Variants in HIVEP2 observed in about 807,000 individuals in gnomAD.
The protein encoded by HIVEP2 is HIVEP zinc finger 2, also known as transcription factor HIVEP2.
HIVEP2 carries 14 observed loss-of-function variants against 180.7 expected under a neutral mutation model. The ratio of observed to expected loss-of-function variants is 0.08; its 90% CI spans 0.05 to 0.12. The LOEUF is 0.12. Ranked by LOEUF, HIVEP2 falls within the 10% of genes least tolerant of loss-of-function variation. HIVEP2 has a pLI of 1.00. For synonymous variants in HIVEP2, 1,184 were observed against 1,136.4 expected (o/e 1.04, Z -0.84); for missense variants, 2,579 against 3,008.5 (o/e 0.86, Z 3.34).
intron 1 of HIVEP2, among the ~76,000 whole-genome samples, chr6:142,894,009 G>A (rs982465851): frequency 2.0e-5 from 3 of 152,080 alleles, no homozygotes; most frequent in East Asian, 1.9e-4. Flanking sequence ...ACAAACATTC[G>A]CTCACTTAAT....
chr6:142,899,029 C>T (rs1016646852), intron 1 of HIVEP2, among the ~76,000 whole-genome samples: 5 of 152,246 alleles, frequency 3.3e-5, no homozygotes, highest in Admixed American at 1.3e-4. Flanking sequence ...AAATGCTAAT[C>T]GGAATATGTC....
Position 142,761,624 on chromosome 6 carries a change from G to C in HIVEP2, c.5519-59C>G, listed in dbSNP as rs891555553. The C allele has an allele frequency of 2.7e-5, 24 of 896,326 alleles. No homozygotes were observed. In the East Asian group the frequency reaches 5.0e-4, roughly 19 times the overall value. 55.5% of individuals were successfully genotyped at this position (896,326 alleles called of 1,614,324 possible). ...ATTGGTTATCAAATTAATAACTGCT[G>C]ATAGCTGCTCCAAATTCAATGTGAA... On this transcript the variant is annotated intron_variant, in intron 7 of 9. Coordinates refer to ENST00000367603, the MANE Select transcript of HIVEP2 (RefSeq NM_006734.4).
chr6:142,844,220 G>A (rs1775447967), intron 1 of HIVEP2, among the ~76,000 whole-genome samples: 1 of 151,764 alleles, frequency 6.6e-6, no homozygotes, highest in South Asian at 2.1e-4. Flanking sequence ...GTTGGGTATT[G>A]CACAATGGAT....
At position 142,813,528 on chromosome 6, in the gene HIVEP2, T is replaced by G. The variant is rs1314837611; in HGVS notation, c.-528+23407A>C. On this transcript the variant is annotated intron_variant, in intron 2 of 9. Transcript: ENST00000367603. ...TAAATCATTTAAATTCAATCATGTA[T>G]AAGATATAAGACATTATGTCTGGAT... Among the ~76,000 whole-genome samples, 8 of 152,006 alleles carry G rather than the reference T, an allele frequency of 5.3e-5. No homozygotes were observed. In the South Asian group the frequency reaches 1.2e-3, roughly 24 times the overall value.
chr6:142,785,045 G>A (rs564302933), intron 2 of HIVEP2, among the ~76,000 whole-genome samples: 24 of 151,542 alleles, frequency 1.6e-4, no homozygotes, highest in Non-Finnish European at 2.9e-4. Flanking sequence ...CCACCACCAC[G>A]CCCAGCTAAT....
chr6:142,765,402 A>C (rs1308023633), intron 6 of HIVEP2, among the ~76,000 whole-genome samples: 1 of 152,242 alleles, frequency 6.6e-6, no homozygotes, highest in Non-Finnish European at 1.5e-5. Flanking sequence ...GTACATGTAC[A>C]AACATACAAC....
rs1443599726 is a variant in HIVEP2, at chr6:142,775,075, C to T, written c.-337G>A. The stretch of plus-strand genomic sequence containing the variant: ...GATGAATAGTCTAGGAGAAATTTTG[C>T]CCATCAACTAGAGCAAAGTTCAATT... On this transcript the variant is annotated 5_prime_UTR_variant, in exon 5 of 10. Transcript: ENST00000367603. 1 of 1,039,770 alleles carries T rather than the reference C, an allele frequency of 9.6e-7. No homozygotes were observed. Among genetic ancestry groups the T allele is most frequent in the African/African-American group, 1.7e-5 (1 of 59,324 alleles). The allele number at this position is 1,039,770 out of a possible 1,614,324, so 64.4% of individuals were successfully genotyped here. A position where few individuals can be genotyped will look rare whatever the true frequency, so the allele number is the denominator to read the frequency against.
At chr6:142,793,945 G>A (rs1208467745) in intron 2 of HIVEP2, 1 of 152,038 alleles carries the variant, frequency 6.6e-6, no homozygotes, top group African/African-American at 2.4e-5. Context: ...GGGATTACAG[G>A]TGTGAGCCAC....
chr6:142,830,949 T>C (rs198663), intron 2 of HIVEP2, among the ~76,000 whole-genome samples: 83,306 of 151,936 alleles, frequency 0.55, 23,518 homozygotes, highest in African/African-American at 0.68. Flanking sequence ...CTGTCAATCC[T>C]TATCACTACC....
intron 2 of HIVEP2, among the ~76,000 whole-genome samples, chr6:142,828,116 T>C (rs1774963817): frequency 6.6e-6 from 1 of 152,208 alleles, no homozygotes; most frequent in Non-Finnish European, 1.5e-5. Flanking sequence ...CATGATACGC[T>C]GAACACTCCC....
intron 1 of HIVEP2, among the ~76,000 whole-genome samples, chr6:142,911,733 CT>C (rs2128430079): frequency 6.6e-6 from 1 of 152,276 alleles, no homozygotes; most frequent in East Asian, 1.9e-4. Flanking sequence ...ATTTCTCCCT[CT>C]GTCCAGTTCA....
At chr6:142,822,533 A>G (rs1777067904) in intron 2 of HIVEP2, among the ~76,000 whole-genome samples, 2 of 152,186 alleles carry the variant, frequency 1.3e-5, no homozygotes, top group South Asian at 4.1e-4. Context: ...AACTACTGTC[A>G]TTTGTTGCTT....
chr6:142,772,544 A>G lies in HIVEP2; in HGVS notation c.2195T>C (p.Leu732Pro). ...GIMASDYDPKLQMQEGVRSGF... is the reference protein window; with the variant it reads ...GIMASDYDPKPQMQEGVRSGF... ...ACTCCTGACTCCTTCCTGCATCTGC[A>G]GTTTGGGGTCATAATCGGAAGCCAT... The change falls in exon 5 of 10, where the codon CTG becomes CCG. Residue 732 changes from leucine to proline, a missense_variant. Physicochemically the swap from Leu to Pro is moderately conservative, Grantham distance 98. This residue lies in a region of HIVEP2 where 524 missense variants were observed against 563.6 expected (regional missense o/e 0.93). Transcript: ENST00000367603. This position sits in a 1 kb window ranked among gnomAD's most constrained non-coding sequence, Gnocchi z 4.9. 1 of 1,614,138 alleles carries G rather than the reference A, an allele frequency of 6.2e-7. No homozygotes were observed.
chr6:142,777,429 G>A (rs1422452353), intron 3 of HIVEP2, among the ~76,000 whole-genome samples: 1 of 151,906 alleles, frequency 6.6e-6, no homozygotes, highest in Non-Finnish European at 1.5e-5. Context: ...TTCCTGTGAG[G>A]ATGCCAGGCA....
chr6:142,875,849 A>G (rs954682070), intron 1 of HIVEP2, among the ~76,000 whole-genome samples: 4 of 152,206 alleles, frequency 2.6e-5, no homozygotes, highest in African/African-American at 4.8e-5. Flanking sequence ...AGCCAAGTGC[A>G]TGGATTTAGG....
chr6:142,848,616 A>G (rs574965720), intron 1 of HIVEP2, among the ~76,000 whole-genome samples: 1 of 152,210 alleles, frequency 6.6e-6, no homozygotes, highest in Non-Finnish European at 1.5e-5. Flanking sequence ...CCAGATACTC[A>G]GGTGGCTGAG....
rs9390036 is a variant in HIVEP2 at position 142,914,876 on chromosome 6, C to T, written c.-641+30223G>A. On this transcript the variant is annotated intron_variant, in intron 1 of 9. Transcript: ENST00000367603. Reference sequence around the variant, plus strand: ...AAGACTTCATGCAGGTTTTCTTCTCCGGTAATGCCCTTTCTACCTCAACTT... The same window carrying T: ...AAGACTTCATGCAGGTTTTCTTCTCTGGTAATGCCCTTTCTACCTCAACTT... 8.4e-3 allele frequency among the ~76,000 whole-genome samples: 1,281 copies of T among 152,236 alleles called. 83 individuals are homozygous for T. The East Asian group carries it at 0.17, about 20-fold the overall frequency.
rs1348098418 is a variant in HIVEP2 at position 142,914,326 on chromosome 6, G to A, written c.-641+30773C>T. ...TTGGAATCTTTGTTTTCCTTTCTTAGAGGTACATCAAATGCCATCTTACAA... is the reference window on the plus strand; with the variant it reads ...TTGGAATCTTTGTTTTCCTTTCTTAAAGGTACATCAAATGCCATCTTACAA... On this transcript the variant is annotated intron_variant, in intron 1 of 9. Coordinates refer to ENST00000367603, the MANE Select transcript of HIVEP2 (RefSeq NM_006734.4). Among the ~76,000 whole-genome samples, 3 of 152,086 alleles carry A rather than the reference G, an allele frequency of 2.0e-5. No homozygotes were observed. The East Asian group carries it at 5.8e-4, about 29-fold the overall frequency.
At chr6:142,764,425 T>G (rs973248963) in intron 7 of HIVEP2, among the ~76,000 whole-genome samples, 2 of 152,226 alleles carry the variant, frequency 1.3e-5, no homozygotes, top group African/African-American at 4.8e-5. Context: ...GAGCACATGT[T>G]TTCTTCCCAG....
Sources: gnomAD v4.1 joint callset for allele counts (sites outside exome capture counted in the v4.1 genomes callset) on GRCh38, gnomAD v4.1.1 for gene constraint, gnomAD v4.1.1 regional missense constraint, Gnocchi (gnomAD v3.1) non-coding constraint, MANE v1.5 for transcripts, NCBI Gene and HGNC (gene_info 2026-07-23, HGNC 2026-07-21) for gene names.